The following GNAQ variants were observed in gnomAD, a reference collection of about 807,000 sequenced individuals.
GNAQ encodes the protein guanine nucleotide-binding protein G(q) subunit alpha.
In GNAQ, 8 loss-of-function variants were observed where a neutral mutation model predicts 43.9. The observed-to-expected ratio is 0.18, with a 90% confidence interval of 0.11 to 0.33. The LOEUF is 0.33. GNAQ is among the 10% of genes least tolerant of loss of function. GNAQ has a pLI of 1.00. For synonymous variants in GNAQ, 155 were observed against 170.7 expected, an observed-to-expected ratio of 0.91 and a Z score of 0.71; for missense variants, 158 against 450.8, an observed-to-expected ratio of 0.35 and a Z score of 5.88.
At chr9:77,963,783 C>T (rs1487924385) in intron 1 of GNAQ, among the ~76,000 whole-genome samples, 1 of 152,076 alleles carries the variant, frequency 6.6e-6, no homozygotes. Context: ...TGTTCCTACT[C>T]GTTCCCTCTC....
At chr9:77,806,984 G>A (rs538205147) in intron 3 of GNAQ, among the ~76,000 whole-genome samples, 28 of 152,280 alleles carry the variant, frequency 1.8e-4, no homozygotes, top group African/African-American at 6.7e-4. Flanking sequence ...GGTCTCCCAT[G>A]GTCATGTCAG....
At chr9:77,742,046 T>C (rs961681269) in intron 5 of GNAQ, among the ~76,000 whole-genome samples, 1 of 152,206 alleles carries the variant, frequency 6.6e-6, no homozygotes, top group African/African-American at 2.4e-5. Context: ...ACCAGTGCTT[T>C]TGACAGTGCA....
chr9:77,907,647 C>T (rs1259480266), intron 2 of GNAQ, among the ~76,000 whole-genome samples: 1 of 152,096 alleles, frequency 6.6e-6, no homozygotes, highest in Non-Finnish European at 1.5e-5. Flanking sequence ...AAGGAGTGTA[C>T]AGTCAAGAAG....
intron 5 of GNAQ, among the ~76,000 whole-genome samples, chr9:77,784,653 T>C (rs74681334): frequency 0.016 from 2,427 of 152,252 alleles, 52 homozygotes; most frequent in African/African-American, 0.054. Flanking sequence ...TTTTAAAAGA[T>C]TGATAAATTC....
chr9:77,868,507 T>C (rs527343696), intron 2 of GNAQ, among the ~76,000 whole-genome samples: 68 of 152,334 alleles, frequency 4.5e-4, no homozygotes, highest in African/African-American at 1.5e-3. Flanking sequence ...TTGAGAAATA[T>C]GAATGCTTGG....
intron 1 of GNAQ, among the ~76,000 whole-genome samples, chr9:77,933,095 T>C (rs1473757161): frequency 6.6e-6 from 1 of 152,170 alleles, no homozygotes; most frequent in African/African-American, 2.4e-5. Context: ...AGCACTCTCG[T>C]ACACCTAGAA....
chr9:78,024,898 G>T (rs1224091744), intron 1 of GNAQ, among the ~76,000 whole-genome samples: 1 of 152,024 alleles, frequency 6.6e-6, no homozygotes, highest in Non-Finnish European at 1.5e-5. Context: ...TTGAAAAAAT[G>T]GATTTGAGAT....
intron 2 of GNAQ, among the ~76,000 whole-genome samples, chr9:77,866,990 T>C (rs755293142): frequency 7.2e-5 from 11 of 152,228 alleles, no homozygotes; most frequent in Non-Finnish European, 1.2e-4. Context: ...TTACTGAGCA[T>C]GAAAAATGTA....
At chr9:77,807,558 ATATGATC>A (rs1177695675) in intron 3 of GNAQ, among the ~76,000 whole-genome samples, 1 of 152,194 alleles carries the variant, frequency 6.6e-6, no homozygotes, top group East Asian at 1.9e-4. Context: ...CGTCCAGGAA[ATATGATC>A]TAGAACTTTC....
intron 2 of GNAQ, among the ~76,000 whole-genome samples, chr9:77,869,794 C>T (rs1828007102): frequency 6.6e-6 from 1 of 152,196 alleles, no homozygotes; most frequent in Non-Finnish European, 1.5e-5. Flanking sequence ...TCTGGGAATG[C>T]CTTCCCCACT....
chr9:77,994,743 G>A (rs1240628754), intron 1 of GNAQ, among the ~76,000 whole-genome samples: 14 of 152,204 alleles, frequency 9.2e-5, no homozygotes, highest in African/African-American at 2.4e-4. Context: ...CATTCGCCCC[G>A]TTAAAAGTAA....
chr9:77,977,618 C>G (rs1309279690), intron 1 of GNAQ, among the ~76,000 whole-genome samples: 1 of 152,182 alleles, frequency 6.6e-6, no homozygotes, highest in Non-Finnish European at 1.5e-5. Flanking sequence ...CAGACATGCA[C>G]TCTCCAGAAT....
At chr9:77,736,494 G>A (rs530190290) in intron 5 of GNAQ, among the ~76,000 whole-genome samples, 145 of 152,244 alleles carry the variant, frequency 9.5e-4, no homozygotes, top group Admixed American at 3.1e-3. Context: ...CAAATTTGGC[G>A]AAGGTTTTAA....
intron 2 of GNAQ, among the ~76,000 whole-genome samples, chr9:77,906,120 T>C (rs1828704086): frequency 6.6e-6 from 1 of 152,002 alleles, no homozygotes; most frequent in South Asian, 2.1e-4. Context: ...CTAAATAAAA[T>C]AACCAATGCA....
rs1264824859 is a variant in GNAQ at position 77,986,845 on chromosome 9, T to TGATAAGG, written c.136+44248_136+44254dup. On this transcript the variant is annotated intron_variant, in intron 1 of 6. Coordinates refer to ENST00000286548, the MANE Select transcript of GNAQ (RefSeq NM_002072.5). ...TTTTTTAACCTTTTCTTCAGAGTTTTGATAAGGGTTTTTAAATTATTTACA... is the reference window on the plus strand; with the variant it reads ...TTTTTTAACCTTTTCTTCAGAGTTTTGATAAGGGATAAGGGTTTTTAAATTATTTACA... 4.0e-5 allele frequency among the ~76,000 whole-genome samples: 6 copies of TGATAAGG among 150,814 alleles called. No individual in the cohort carries two copies. In the South Asian group the frequency reaches 1.3e-3, roughly 32 times the overall value.
intron 2 of GNAQ, among the ~76,000 whole-genome samples, chr9:77,853,293 A>G (rs1041285940): frequency 2.0e-5 from 3 of 152,164 alleles, no homozygotes; most frequent in Admixed American, 2.0e-4. Context: ...TTAGTTCCTC[A>G]TCTGAAAATA....
At chr9:77,834,355 C>G (rs1827349797) in intron 2 of GNAQ, among the ~76,000 whole-genome samples, 2 of 152,078 alleles carry the variant, frequency 1.3e-5, no homozygotes, top group African/African-American at 4.8e-5. Context: ...TAGCATATTG[C>G]TTTTTTACTC....
At chr9:77,794,394 C>T (rs2118442013) in intron 5 of GNAQ, 69 bp downstream of exon 5, 2 of 1,101,082 alleles carry the variant, frequency 1.8e-6, no homozygotes, top group Non-Finnish European at 2.6e-6. Flanking sequence ...TCCCCACACC[C>T]TACTTTCTAT....
chr9:77,930,715 C>G (rs1396329290), intron 1 of GNAQ, among the ~76,000 whole-genome samples: 1 of 152,118 alleles, frequency 6.6e-6, no homozygotes, highest in African/African-American at 2.4e-5. Flanking sequence ...GTCACAGGGT[C>G]TCAGGAGTGT....
Sources: allele counts gnomAD v4.1 joint callset (sites outside exome capture counted in the v4.1 genomes callset), GRCh38; gene constraint gnomAD v4.1.1; transcripts MANE v1.5; gene names NCBI Gene and HGNC (gene_info 2026-07-23, HGNC 2026-07-21).